RASGRF1: variants seen among roughly 807,000 people sequenced by gnomAD.
RASGRF1 encodes the protein ras-specific guanine nucleotide-releasing factor 1.
In RASGRF1, 40 loss-of-function variants were observed where a neutral mutation model predicts 138.7. The ratio of observed to expected loss-of-function variants is 0.29; its 90% confidence interval spans 0.22 to 0.38. The LOEUF is 0.38. Among genes scored for constraint, RASGRF1 ranks in the 10% least tolerant of loss-of-function variants. The pLI, the probability that RASGRF1 is intolerant of heterozygous loss-of-function variation, is 1.00. For synonymous variants in RASGRF1, 614 were observed against 663.2 expected (o/e 0.93, Z 1.14); for missense variants, 1,108 against 1,650.4 (o/e 0.67, Z 5.69).
At chr15:79,005,262 C>T (rs1800405804) in intron 14 of RASGRF1, 2 of 985,728 alleles carry the variant, frequency 2.0e-6, no homozygotes, top group Non-Finnish European at 2.4e-6. Context: ...GCTCTGGCAG[C>T]AGAGGTGTGG....
At chr15:79,081,495 G>A (rs960058689) in intron 1 of RASGRF1, among the ~76,000 whole-genome samples, 11 of 152,196 alleles carry the variant, frequency 7.2e-5, no homozygotes, top group African/African-American at 2.7e-4. Flanking sequence ...CACTGGCTCT[G>A]CACTGGGCCT....
intron 1 of RASGRF1, among the ~76,000 whole-genome samples, chr15:79,080,684 G>A (rs1256993932): frequency 6.6e-6 from 1 of 151,752 alleles, no homozygotes; most frequent in Non-Finnish European, 1.5e-5. Flanking sequence ...AAAAAAAAAA[G>A]AAAGCTCAAC....
chr15:79,087,166 G>T (rs144272413), intron 1 of RASGRF1, among the ~76,000 whole-genome samples: 2 of 152,210 alleles, frequency 1.3e-5, no homozygotes, highest in Non-Finnish European at 2.9e-5. Context: ...GTGCCAGAGC[G>T]CCTTGCATAT....
chr15:78,984,055 G>T (rs2056095277), intron 23 of RASGRF1, among the ~76,000 whole-genome samples: 1 of 152,076 alleles, frequency 6.6e-6, no homozygotes, highest in Non-Finnish European at 1.5e-5. Context: ...TTGGTGGGTG[G>T]AATCATGACC....
chr15:78,975,615 G>A (rs1306175360), intron 24 of RASGRF1, among the ~76,000 whole-genome samples: 1 of 151,526 alleles, frequency 6.6e-6, no homozygotes, highest in African/African-American at 2.4e-5. Context: ...AGGCTCCAAT[G>A]GTCCTCCTGC....
At chr15:78,990,581 C>CACCTTATTGTGAGGG (rs71901464) in intron 21 of RASGRF1, among the ~76,000 whole-genome samples, 2,746 of 152,304 alleles carry the variant, frequency 0.018, 31 homozygotes, top group Middle Eastern at 0.024. Context: ...GGAAGGCACA[C>CACCTTATTGTGAGGG]ATGGTGGAAA....
chr15:79,014,388 A>G (rs983314045), intron 13 of RASGRF1, among the ~76,000 whole-genome samples: 8 of 152,274 alleles, frequency 5.3e-5, no homozygotes, highest in African/African-American at 1.9e-4. Flanking sequence ...TTATATTTAT[A>G]TGATGGAATA....
At chr15:78,980,788 C>CCTGTTGGG in intron 23 of RASGRF1, 89 bp from the exon 24 acceptor site, 1 of 969,040 alleles carries the variant, frequency 1.0e-6, no homozygotes, top group Non-Finnish European at 1.5e-6. Context: ...AACATGCTGC[C>CCTGTTGGG]CAACAGGGCT....
At position 79,081,595 on chromosome 15, in the gene RASGRF1, C is replaced by T. The variant is rs1595977173; in HGVS notation, c.276+8628G>A. Among the ~76,000 whole-genome samples the T allele has an allele frequency of 2.0e-5, 3 of 152,182 alleles. No homozygotes were observed. In the South Asian group the frequency reaches 6.2e-4, roughly 32 times the overall value. On this transcript the variant is annotated intron_variant, in intron 1 of 26. Coordinates refer to ENST00000558480, the MANE Select transcript of RASGRF1 (RefSeq NM_001145648.3). ...CCTATATGCCCCTAATCACCCCCCA[C>T]ACCCCAGGGCTGGGGGAAGTGCCCT... is the stretch of plus-strand genomic sequence containing the variant.
At position 79,050,534 on chromosome 15, in the gene RASGRF1, A is replaced by G. The variant is rs1277348601; in HGVS notation, c.532-946T>C. ...CCTGGGCAGCCCCAAAGCACCTCTT[A>G]GAATCAGAGGCCTATTTCAATCATA... is the stretch of plus-strand genomic sequence containing the variant. On this transcript the variant is annotated intron_variant, in intron 3 of 26. Coordinates refer to ENST00000558480, the MANE Select transcript of RASGRF1 (RefSeq NM_001145648.3). The surrounding 1 kb of genome is among the most constrained non-coding windows in gnomAD (Gnocchi z 4.1). 6.6e-6 allele frequency among the ~76,000 whole-genome samples: 1 copy of G among 152,218 alleles called. No individual in the cohort carries two copies. Among genetic ancestry groups the G allele is most frequent in the East Asian group, 1.9e-4 (1 of 5,198 alleles).
At chr15:78,967,622 T>A (rs1025532008) in intron 26 of RASGRF1, among the ~76,000 whole-genome samples, 4 of 152,196 alleles carry the variant, frequency 2.6e-5, no homozygotes, top group Non-Finnish European at 5.9e-5. Context: ...AAGTTACATA[T>A]GTAGCTTGCA....
At chr15:79,051,157 C>T (rs1048065655) in intron 3 of RASGRF1, among the ~76,000 whole-genome samples, 10 of 152,212 alleles carry the variant, frequency 6.6e-5, no homozygotes, top group African/African-American at 2.2e-4. Flanking sequence ...CTCTTGGGAA[C>T]ACATGGCTTT....
chr15:78,974,717 TTC>T (rs1274572148), intron 24 of RASGRF1, among the ~76,000 whole-genome samples: 3 of 152,262 alleles, frequency 2.0e-5, no homozygotes, highest in Non-Finnish European at 4.4e-5. Context: ...CTTTCACATT[TTC>T]TCTTTTTAGA....
rs1459090394 is a variant in RASGRF1, at chr15:79,073,001, A to G, written c.277-8475T>C. Among the ~76,000 whole-genome samples, 3 of 152,310 alleles carry G rather than the reference A, an allele frequency of 2.0e-5. No homozygotes were observed. The highest frequency in any genetic ancestry group is 1.3e-4 in the Admixed American group (2 of 15,306). ...ATAGGCTTGCCTGGATCCCGGTTGG[A>G]TTCCTCTGCGGAACAGCAGCATTGT... On this transcript the variant is annotated intron_variant, in intron 1 of 26. Coordinates refer to ENST00000558480, the MANE Select transcript of RASGRF1 (RefSeq NM_001145648.3). This position sits in a 1 kb window ranked among gnomAD's most constrained non-coding sequence, Gnocchi z 4.2.
At chr15:78,983,475 A>G (rs1249699593) in intron 23 of RASGRF1, among the ~76,000 whole-genome samples, 1 of 152,172 alleles carries the variant, frequency 6.6e-6, no homozygotes, top group Non-Finnish European at 1.5e-5. Context: ...GAGGAGGGCA[A>G]TGCAGGAGAG....
chr15:79,024,354 CAT>C (rs1460526431), intron 10 of RASGRF1, among the ~76,000 whole-genome samples: 10 of 152,076 alleles, frequency 6.6e-5, no homozygotes, highest in African/African-American at 9.6e-5. Context: ...ACACAACACA[CAT>C]AGAGGCAAAC....
intron 1 of RASGRF1, among the ~76,000 whole-genome samples, chr15:79,070,391 G>GT (rs1215304349): frequency 1.3e-5 from 2 of 152,194 alleles, no homozygotes; most frequent in African/African-American, 2.4e-5. Flanking sequence ...TCTGTCTGGG[G>GT]TTTTTTAAAT....
At chr15:79,001,370 C>T (rs1183918040) in intron 16 of RASGRF1, among the ~76,000 whole-genome samples, 2 of 152,118 alleles carry the variant, frequency 1.3e-5, no homozygotes, top group African/African-American at 4.8e-5. Context: ...AGCCTCCCTG[C>T]CCACCTGTGC....
In RASGRF1 at chr15:79,046,684, T is replaced by C; in HGVS notation, c.878+62A>G. 1 of 1,596,570 alleles carries C rather than the reference T, an allele frequency of 6.3e-7. No individual in the cohort carries two copies. On this transcript the variant is annotated intron_variant, in intron 5 of 26. Transcript: ENST00000558480. This position sits in a 1 kb window ranked among gnomAD's most constrained non-coding sequence, Gnocchi z 5.3. ...ACCACGTGAGAGAGTGTGTCAAAGCTTAGCTGCGGCCAATGCTCACTAGTC... is the reference window on the plus strand; with the variant it reads ...ACCACGTGAGAGAGTGTGTCAAAGCCTAGCTGCGGCCAATGCTCACTAGTC...
Sources: gnomAD v4.1 joint callset for allele counts (sites outside exome capture counted in the v4.1 genomes callset) on GRCh38, gnomAD v4.1.1 for gene constraint, Gnocchi (gnomAD v3.1) non-coding constraint, MANE v1.5 for transcripts, NCBI Gene and HGNC (gene_info 2026-07-23, HGNC 2026-07-21) for gene names.